PXDNL: variants seen among roughly 807,000 people sequenced by gnomAD.
PXDNL encodes the protein probable oxidoreductase PXDNL.
PXDNL carries 145 observed loss-of-function variants against 150.8 expected under a neutral mutation model. The observed-to-expected ratio is 0.96, with a 90% CI of 0.84 to 1.10. PXDNL has a LOEUF of 1.10. Among genes scored for constraint, PXDNL ranks in the 50% least tolerant of loss-of-function variants. The pLI is 0.00. For missense variants in PXDNL, 2,087 were observed against 1,873.9 expected (o/e 1.11, Z -2.10); for synonymous variants, 757 against 725.7 (o/e 1.04, Z -0.69).
chr8:51,443,252 A>C (rs182144919), intron 12 of PXDNL, among the ~76,000 whole-genome samples: 2 of 152,336 alleles, frequency 1.3e-5, no homozygotes, highest in African/African-American at 4.8e-5. Flanking sequence ...AATAAAATGC[A>C]TAAGTAAGGG....
intron 6 of PXDNL, among the ~76,000 whole-genome samples, chr8:51,480,329 T>C (rs1810572460): frequency 1.3e-5 from 2 of 152,162 alleles, no homozygotes; most frequent in Non-Finnish European, 2.9e-5. Context: ...GTGCCAGCAT[T>C]AGCTCTGGGG....
intron 4 of PXDNL, among the ~76,000 whole-genome samples, chr8:51,545,705 A>G (rs960041553): frequency 5.9e-5 from 9 of 152,190 alleles, no homozygotes; most frequent in Non-Finnish European, 1.3e-4. Context: ...AAGGAACCCA[A>G]TCCCAAGATG....
chr8:51,771,308 T>C (rs939064114), intron 1 of PXDNL, among the ~76,000 whole-genome samples: 1 of 152,184 alleles, frequency 6.6e-6, no homozygotes, highest in Non-Finnish European at 1.5e-5. Context: ...ATTACACTTA[T>C]CCATTCATTT....
chr8:51,809,081 G>C (rs2037707337), intron 1 of PXDNL, 100 bp downstream of exon 1: 1 of 1,239,132 alleles, frequency 8.1e-7, no homozygotes, highest in South Asian at 1.3e-5. Context: ...ATACAAGCAG[G>C]GAGAGCATTA....
At chr8:51,630,636 C>G (rs1234428752) in intron 2 of PXDNL, among the ~76,000 whole-genome samples, 1 of 151,890 alleles carries the variant, frequency 6.6e-6, no homozygotes, top group Non-Finnish European at 1.5e-5. Flanking sequence ...GACATAAACA[C>G]TTTTCAAAAA....
chr8:51,516,661 C>T lies in PXDNL; in HGVS notation c.381-16891G>A, dbSNP rs549503618. Among the ~76,000 whole-genome samples, 9 of 152,276 alleles carry T rather than the reference C, an allele frequency of 5.9e-5. No individual in the cohort carries two copies. The South Asian group carries it at 1.9e-3, about 32-fold the overall frequency. The stretch of plus-strand genomic sequence containing the variant: ...ATCTGCCAGAATGAGATGAGACATA[C>T]AAAGAAATGATATAACTTGCCTCAA... On this transcript the variant is annotated intron_variant, in intron 4 of 22. Transcript: ENST00000356297.
chr8:51,732,194 G>C (rs114259481), intron 1 of PXDNL, among the ~76,000 whole-genome samples: 3,749 of 152,200 alleles, frequency 0.025, 152 homozygotes, highest in African/African-American at 0.085. Flanking sequence ...CAGGACCCAA[G>C]AGCACTTTGC....
intron 2 of PXDNL, among the ~76,000 whole-genome samples, chr8:51,630,335 T>C (rs1384073849): frequency 1.3e-5 from 2 of 152,012 alleles, no homozygotes; most frequent in Admixed American, 1.3e-4. Context: ...AAAAACCTTG[T>C]AAGATAACCT....
chr8:51,629,101 G>A (rs942036621), intron 2 of PXDNL, among the ~76,000 whole-genome samples: 1 of 151,986 alleles, frequency 6.6e-6, no homozygotes, highest in Non-Finnish European at 1.5e-5. Flanking sequence ...TCTTAAATAT[G>A]CTTTAAAAAA....
chr8:51,635,239 G>C (rs58538141), intron 2 of PXDNL, among the ~76,000 whole-genome samples: 2,700 of 152,190 alleles, frequency 0.018, 90 homozygotes, highest in African/African-American at 0.062. Context: ...AGTGCTGAGA[G>C]AGAAATTTAT....
intron 1 of PXDNL, among the ~76,000 whole-genome samples, chr8:51,764,931 A>C (rs1267604725): frequency 6.6e-6 from 1 of 152,058 alleles, no homozygotes; most frequent in African/African-American, 2.4e-5. Context: ...AATTGTCTTC[A>C]GTTTAATCTG....
chr8:51,440,430 T>A (rs1279540307), intron 12 of PXDNL, among the ~76,000 whole-genome samples: 1 of 129,956 alleles, frequency 7.7e-6, no homozygotes, highest in African/African-American at 2.9e-5. Context: ...CCTACTGAAA[T>A]TTAAAAAAAT....
At chr8:51,787,658 T>C (rs1158901757) in intron 1 of PXDNL, among the ~76,000 whole-genome samples, 1 of 152,228 alleles carries the variant, frequency 6.6e-6, no homozygotes, top group African/African-American at 2.4e-5. Flanking sequence ...TTTCTTAAAA[T>C]GGAGTCAACT....
At chr8:51,445,493 T>C (rs1426669590) in intron 12 of PXDNL, among the ~76,000 whole-genome samples, 1 of 152,250 alleles carries the variant, frequency 6.6e-6, no homozygotes, top group Non-Finnish European at 1.5e-5. Context: ...CTTCTACATA[T>C]GTCAACTCCT....
chr8:51,809,328 A>C lies in PXDNL; in HGVS notation c.17T>G (p.Phe6Cys), dbSNP rs373642382. Residue 6 changes from phenylalanine (F) to cysteine (C), a missense_variant, in exon 1 of 23, where the codon TTC becomes TGC. By Grantham distance (205) the Phe-to-Cys change is radical. Coordinates refer to ENST00000356297, the MANE Select transcript of PXDNL (RefSeq NM_144651.5). MEPRL[F>C]CWTTLFLLAG... The stretch of plus-strand genomic sequence containing the variant: ...CAGGAGAAAGAGAGTGGTCCAGCAG[A>C]ACAGTCTGGGCTCCATCGCTCCATT... 6.4e-6 allele frequency: 10 copies of C among 1,560,478 alleles called. No homozygotes were observed. In the African/African-American group the frequency reaches 1.1e-4, roughly 17 times the overall value.
chr8:51,365,167 G>A (rs575469774), intron 19 of PXDNL, among the ~76,000 whole-genome samples: 1 of 152,074 alleles, frequency 6.6e-6, no homozygotes, highest in Non-Finnish European at 1.5e-5. Context: ...CAAATTCCTG[G>A]CCTCAAGTGA....
chr8:51,455,542 C>T (rs1396919434), intron 9 of PXDNL, among the ~76,000 whole-genome samples: 6 of 151,764 alleles, frequency 4.0e-5, no homozygotes, highest in Admixed American at 1.3e-4. Flanking sequence ...GATTAGGGCA[C>T]GGGGGACTAG....
intron 1 of PXDNL, among the ~76,000 whole-genome samples, chr8:51,773,641 C>T (rs552916065): frequency 1.4e-4 from 21 of 152,338 alleles, no homozygotes; most frequent in South Asian, 2.1e-4. Context: ...ACTGGGACTC[C>T]TCTTTAGAAG....
rs753946290 is a variant in PXDNL, at chr8:51,367,482, C to A, written c.3901+4391G>T. Among the ~76,000 whole-genome samples the A allele has an allele frequency of 1.6e-3, 245 of 152,276 alleles. 3 individuals are homozygous for A. Among genetic ancestry groups the A allele is most frequent in the Admixed American group, 3.2e-3 (49 of 15,292 alleles). On this transcript the variant is annotated intron_variant, in intron 19 of 22. Coordinates refer to ENST00000356297, the MANE Select transcript of PXDNL (RefSeq NM_144651.5). ...TTAATATAATTGTTTGTGGAATCGT[C>A]ATGTTTATCTTTTTAGAAATAAATC... is the stretch of plus-strand genomic sequence containing the variant.
Sources: gnomAD v4.1 joint callset for allele counts (sites outside exome capture counted in the v4.1 genomes callset) on GRCh38, gnomAD v4.1.1 for gene constraint, MANE v1.5 for transcripts, NCBI Gene and HGNC (gene_info 2026-07-23, HGNC 2026-07-21) for gene names.